The following IQCM variants were observed in gnomAD, a reference collection of about 807,000 sequenced individuals.
IQCM encodes IQ domain-containing protein M.
A neutral mutation model predicts 57.6 loss-of-function variants in IQCM; 45 were observed. The observed-to-expected ratio is 0.78, with a 90% CI of 0.62 to 1.00. The LOEUF is 1.00. Among genes scored for constraint, IQCM ranks in the 50% least tolerant of loss-of-function variants. The probability of loss-of-function intolerance (pLI) is 0.00; values close to 1 mark genes in which losing one functional copy is unlikely to be tolerated. For synonymous variants in IQCM, 148 were observed against 158.9 expected (o/e 0.93, Z 0.51); for missense variants, 468 against 511.6 (o/e 0.91, Z 0.82).
intron 12 of IQCM, among the ~76,000 whole-genome samples, chr4:149,521,853 C>T (rs1745678082): frequency 6.6e-6 from 1 of 152,138 alleles, no homozygotes; most frequent in African/African-American, 2.4e-5. Context: ...ACAAGATGGG[C>T]CTGGAGAGCA....
chr4:149,361,942 G>A (rs1295692575), intron 13 of IQCM, among the ~76,000 whole-genome samples: 3 of 152,162 alleles, frequency 2.0e-5, no homozygotes, highest in Admixed American at 2.0e-4. Flanking sequence ...TGTGAAAGCA[G>A]CCAGGAGGGA....
At chr4:149,666,516 C>T (rs913882078) in intron 7 of IQCM, among the ~76,000 whole-genome samples, 2 of 152,132 alleles carry the variant, frequency 1.3e-5, no homozygotes, top group Non-Finnish European at 2.9e-5. Flanking sequence ...GGGCAGACAC[C>T]GAGCTAGCTG....
chr4:149,553,723 A>G (rs1037880184), intron 10 of IQCM, among the ~76,000 whole-genome samples: 6 of 151,888 alleles, frequency 4.0e-5, no homozygotes, highest in African/African-American at 1.2e-4. Context: ...TCCTTTACCT[A>G]TTTTTCCCTG....
intron 2 of IQCM, among the ~76,000 whole-genome samples, chr4:149,784,420 T>C (rs1771889007): frequency 6.6e-6 from 1 of 152,140 alleles, no homozygotes; most frequent in South Asian, 2.1e-4. Context: ...GCAGACACCT[T>C]CTCTGAAAAA....
intron 12 of IQCM, among the ~76,000 whole-genome samples, chr4:149,496,509 A>G (rs1579263356): frequency 6.6e-6 from 1 of 152,098 alleles, no homozygotes; most frequent in East Asian, 1.9e-4. Flanking sequence ...GGAAAAGATG[A>G]AAGCAGAAAT....
rs184588808 is a variant in IQCM at position 149,394,708 on chromosome 4, A to G, written c.1390+38688T>C. Reference sequence around the variant, plus strand: ...TGCTCAACTAAAATCCAATGCCACTACTTGAAAACTGGCGTGAAGGGCAAA... The same window carrying G: ...TGCTCAACTAAAATCCAATGCCACTGCTTGAAAACTGGCGTGAAGGGCAAA... On this transcript the variant is annotated intron_variant, in intron 13 of 13. Coordinates refer to ENST00000636793, the MANE Select transcript of IQCM (RefSeq NM_001363507.2). 2.0e-5 allele frequency among the ~76,000 whole-genome samples: 3 copies of G among 152,074 alleles called. No homozygotes were observed. In the East Asian group the frequency reaches 5.8e-4, roughly 30 times the overall value.
intron 5 of IQCM, among the ~76,000 whole-genome samples, chr4:149,689,603 T>C (rs1233607389): frequency 6.6e-6 from 1 of 151,928 alleles, no homozygotes; most frequent in Non-Finnish European, 1.5e-5. Flanking sequence ...TAAAGAACTT[T>C]TGCACAGCAA....
At chr4:149,421,741 T>C (rs1387448417) in intron 13 of IQCM, among the ~76,000 whole-genome samples, 4 of 152,042 alleles carry the variant, frequency 2.6e-5, no homozygotes, top group East Asian at 3.9e-4. Context: ...TAAAAATCTA[T>C]GCTTCAAATT....
intron 12 of IQCM, among the ~76,000 whole-genome samples, chr4:149,436,078 T>C (rs948370639): frequency 6.6e-6 from 1 of 152,104 alleles, no homozygotes; most frequent in African/African-American, 2.4e-5. Flanking sequence ...GTCCTAGGCC[T>C]TCACATTCAC....
At chr4:149,788,675 T>C (rs969847090) in intron 2 of IQCM, among the ~76,000 whole-genome samples, 1 of 152,164 alleles carries the variant, frequency 6.6e-6, no homozygotes, top group Non-Finnish European at 1.5e-5. Context: ...AGTAAGTATA[T>C]CAAAGAAATA....
chr4:149,682,121 G>A lies in IQCM; in HGVS notation c.562C>T (p.Pro188Ser), dbSNP rs1762222563. The A allele has an allele frequency of 4.2e-6, 5 of 1,190,590 alleles. No homozygotes were observed. Among genetic ancestry groups the A allele is most frequent in the Non-Finnish European group, 5.3e-6 (5 of 950,884 alleles). The allele number at this position is 1,190,590 out of a possible 1,614,324, so 73.8% of individuals were successfully genotyped here. Residue 188 changes from proline to serine, a missense_variant, in exon 7 of 14, where the codon CCT becomes TCT. Transcript: ENST00000636793. ...AACATTTATGTATAAGACTCACCAG[G>A]TTCTTTCAGAAGTTCCAAGTTAGAG... ...GTSNLELLKE[P>S]DKAFYDWRGF...
chr4:149,723,745 TTTGTTG>T (rs1013931371), intron 5 of IQCM, among the ~76,000 whole-genome samples: 3 of 151,986 alleles, frequency 2.0e-5, no homozygotes, highest in Non-Finnish European at 4.4e-5. Context: ...AGTCTGTAGT[TTTGTTG>T]TTGTTGTTAT....
chr4:149,807,214 A>T (rs1439699923), intron 2 of IQCM, among the ~76,000 whole-genome samples: 1 of 151,992 alleles, frequency 6.6e-6, no homozygotes, highest in Non-Finnish European at 1.5e-5. Context: ...AATCCTAAGC[A>T]AAAAAAGCAA....
chr4:149,388,970 T>C (rs929751720), intron 13 of IQCM, among the ~76,000 whole-genome samples: 2 of 151,604 alleles, frequency 1.3e-5, no homozygotes, highest in Non-Finnish European at 2.9e-5. Flanking sequence ...CTGTGAAGCA[T>C]GAAGTTTTAA....
chr4:149,484,634 G>A (rs957716071), intron 12 of IQCM, among the ~76,000 whole-genome samples: 2 of 151,754 alleles, frequency 1.3e-5, no homozygotes, highest in South Asian at 4.1e-4. Context: ...ACTTTTGGCT[G>A]TTTTTCTTTA....
intron 13 of IQCM, among the ~76,000 whole-genome samples, chr4:149,376,412 C>T (rs115791429): frequency 0.014 from 2,111 of 152,110 alleles, 27 homozygotes; most frequent in African/African-American, 0.022. Context: ...GACTCTAAAG[C>T]GATAAACTGC....
At chr4:149,810,265 G>T (rs756607112) in intron 2 of IQCM, among the ~76,000 whole-genome samples, 1 of 151,322 alleles carries the variant, frequency 6.6e-6, no homozygotes, top group East Asian at 2.0e-4. Flanking sequence ...GGGAGGCTGA[G>T]GCAGGAGGAT....
intron 2 of IQCM, among the ~76,000 whole-genome samples, chr4:149,763,392 T>A (rs553924296): frequency 3.1e-4 from 47 of 152,000 alleles, no homozygotes; most frequent in African/African-American, 1.1e-3. Context: ...TACACAAAAA[T>A]CCATGCAAAA....
At chr4:149,669,789 G>A (rs1299313124) in intron 7 of IQCM, among the ~76,000 whole-genome samples, 12 of 152,010 alleles carry the variant, frequency 7.9e-5, no homozygotes, top group African/African-American at 2.9e-4. Context: ...ACGGTTGTAG[G>A]TGTGTGGTAT....
Sources: gnomAD v4.1 joint callset for allele counts (sites outside exome capture counted in the v4.1 genomes callset) on GRCh38, gnomAD v4.1.1 for gene constraint, MANE v1.5 for transcripts, NCBI Gene and HGNC (gene_info 2026-07-23, HGNC 2026-07-21) for gene names.